CLASP1: variants seen among roughly 807,000 people sequenced by gnomAD.
CLASP1 encodes cytoplasmic linker associated protein 1.
In CLASP1, 38 loss-of-function variants were observed where a neutral mutation model predicts 192.3. The ratio of observed to expected loss-of-function variants is 0.20; its 90% CI spans 0.15 to 0.26. The LOEUF (loss-of-function observed/expected upper bound fraction) is 0.26, where lower values mean the gene tolerates loss of function less well. CLASP1 is among the 10% of genes least tolerant of loss of function. The pLI, the probability that CLASP1 is intolerant of heterozygous loss-of-function variation, is 1.00. For missense variants in CLASP1, 1,433 were observed against 1,932.5 expected (o/e 0.74, Z 4.85); for synonymous variants, 691 against 712.8 (o/e 0.97, Z 0.49).
intron 8 of CLASP1, among the ~76,000 whole-genome samples, chr2:121,471,948 A>G (rs2090808463): frequency 6.6e-6 from 1 of 152,186 alleles, no homozygotes; most frequent in Non-Finnish European, 1.5e-5. Flanking sequence ...AGGAAAAGTC[A>G]CCCACTGAGT....
intron 1 of CLASP1, among the ~76,000 whole-genome samples, chr2:121,638,504 G>C (rs184892038): frequency 2.6e-5 from 4 of 151,782 alleles, no homozygotes; most frequent in African/African-American, 9.7e-5. Context: ...TGAAAACAGA[G>C]ATTCAAACAG....
chr2:121,527,916 G>T, intron 4 of CLASP1, 26 bp from the exon 5 acceptor site: 5 of 1,576,924 alleles, frequency 3.2e-6, no homozygotes, highest in Non-Finnish European at 4.4e-6. Flanking sequence ...AACAGGTGAG[G>T]AAAGGAGAAG....
At chr2:121,407,547 C>G in exon 25 of CLASP1, 1 of 1,614,008 alleles carries the variant, frequency 6.2e-7, no homozygotes, top group Non-Finnish European at 8.5e-7. Context: ...TTTGAACTAG[C>G]ACAGTGGTTG....
chr2:121,542,040 C>G (rs945787721), intron 2 of CLASP1, among the ~76,000 whole-genome samples: 1 of 152,104 alleles, frequency 6.6e-6, no homozygotes, highest in African/African-American at 2.4e-5. Flanking sequence ...GCAAGACATC[C>G]AGGCACACGC....
intron 2 of CLASP1, among the ~76,000 whole-genome samples, chr2:121,589,540 G>A (rs547488073): frequency 1.3e-5 from 2 of 150,600 alleles, no homozygotes. Flanking sequence ...TGAGGCAGGA[G>A]AATTGCTTGA....
At chr2:121,341,008 G>A (rs753254079) in intron 39 of CLASP1, 61 bp from the exon 41 acceptor site, 58 of 1,113,566 alleles carry the variant, frequency 5.2e-5, no homozygotes, top group Middle Eastern at 1.9e-4. Flanking sequence ...GTAGAAAACA[G>A]CAAAAAGAAT....
intron 23 of CLASP1, among the ~76,000 whole-genome samples, chr2:121,414,802 G>A (rs1269870508): frequency 6.6e-6 from 1 of 152,018 alleles, no homozygotes; most frequent in Non-Finnish European, 1.5e-5. Flanking sequence ...CTATTGTTTT[G>A]AGACAAGGTC....
chr2:121,574,907 C>G (rs2060350835), intron 2 of CLASP1, among the ~76,000 whole-genome samples: 1 of 151,070 alleles, frequency 6.6e-6, no homozygotes, highest in Non-Finnish European at 1.5e-5. Context: ...CGTGCCACTG[C>G]ACTCCAACTT....
intron 30 of CLASP1, among the ~76,000 whole-genome samples, chr2:121,393,432 T>C (rs1367907691): frequency 6.6e-6 from 1 of 152,230 alleles, no homozygotes; most frequent in African/African-American, 2.4e-5. Flanking sequence ...TTATGTTTAG[T>C]GTGTTAAATG....
chr2:121,538,243 G>A (rs1462735438), intron 2 of CLASP1, among the ~76,000 whole-genome samples: 12 of 105,552 alleles, frequency 1.1e-4, no homozygotes, highest in African/African-American at 5.0e-4. Context: ...GAGAAACCCC[G>A]TCTCTAATCA....
At chr2:121,576,012 G>C (rs2105481444) in intron 2 of CLASP1, among the ~76,000 whole-genome samples, 1 of 152,294 alleles carries the variant, frequency 6.6e-6, no homozygotes, top group Non-Finnish European at 1.5e-5. Flanking sequence ...TGACGGATAG[G>C]CCTCTATAAT....
Position 121,408,215 on chromosome 2 carries a change from A to G in CLASP1, c.2425-500T>C, listed in dbSNP as rs150631787. 1.5e-3 allele frequency among the ~76,000 whole-genome samples: 223 copies of G among 152,356 alleles called. 2 individuals are homozygous for G. The highest frequency in any genetic ancestry group is 5.2e-3 in the African/African-American group (218 of 41,580). On this transcript the variant is annotated intron_variant, in intron 24 of 39. Coordinates refer to ENST00000263710, the Ensembl canonical transcript of CLASP1. The stretch of plus-strand genomic sequence containing the variant: ...AAGCAATATATCTTGAGCACAGTCT[A>G]TGGGTAAACTTGTGTGAATATTTAT...
chr2:121,518,231 CAAAAAAAAAAAAA>C (rs35409200), intron 6 of CLASP1, among the ~76,000 whole-genome samples: 4 of 49,580 alleles, frequency 8.1e-5, no homozygotes, highest in Admixed American at 7.3e-4. Flanking sequence ...ACCCCCGTCT[CAAAAAAAAAAAAA>C]AAAAAAAAAA....
At chr2:121,561,404 G>A (rs1270115703) in intron 2 of CLASP1, among the ~76,000 whole-genome samples, 1 of 152,062 alleles carries the variant, frequency 6.6e-6, no homozygotes, top group Non-Finnish European at 1.5e-5. Flanking sequence ...ATACTGCAGT[G>A]ACTAAAAAAG....
rs1490051067 is a variant in CLASP1 at position 121,531,015 on chromosome 2, CCTGTTTTCATAGA to C, written c.196-703_196-691del. 7.1e-6 allele frequency: 5 copies of C among 699,926 alleles called. No individual in the cohort carries two copies. The Admixed American group carries it at 8.0e-5, about 11-fold the overall frequency. The allele number at this position is 699,926 out of a possible 1,614,324, so 43.4% of individuals were successfully genotyped here. ...GGTGCAATTTTTGGAAAAATGAAAA[CCTGTTTTCATAGA>C]CTTATCAGTTCAAACAGCAGTAATT... On this transcript the variant is annotated intron_variant, in intron 2 of 39. Transcript: ENST00000263710.
chr2:121,352,658 T>C (rs919250411), intron 37 of CLASP1, among the ~76,000 whole-genome samples: 1 of 152,228 alleles, frequency 6.6e-6, no homozygotes, highest in Non-Finnish European at 1.5e-5. Context: ...ATGAGGATTT[T>C]ATTTTTAATT....
At chr2:121,636,823 T>A (rs1263427595) in intron 1 of CLASP1, among the ~76,000 whole-genome samples, 1 of 152,134 alleles carries the variant, frequency 6.6e-6, no homozygotes, top group African/African-American at 2.4e-5. Context: ...CTACCGTCAA[T>A]CCCTACATTT....
intron 12 of CLASP1, chr2:121,459,612 A>AT (rs1227980860): frequency 3.0e-5 from 5 of 166,150 alleles, no homozygotes; most frequent in African/African-American, 9.5e-5. Context: ...CTTTAACTTT[A>AT]TAACTACAGT....
chr2:121,627,406 C>T (rs763131795), intron 1 of CLASP1, among the ~76,000 whole-genome samples: 3 of 152,178 alleles, frequency 2.0e-5, no homozygotes, highest in Non-Finnish European at 2.9e-5. Context: ...CAGGCACTGC[C>T]CTCAACAAGC....
Sources: gnomAD v4.1 joint callset for allele counts (sites outside exome capture counted in the v4.1 genomes callset) on GRCh38, gnomAD v4.1.1 for gene constraint, MANE v1.5 for transcripts, NCBI Gene and HGNC (gene_info 2026-07-23, HGNC 2026-07-21) for gene names.